LRBA: variants seen among roughly 807,000 people sequenced by gnomAD.
LRBA encodes the protein lipopolysaccharide-responsive and beige-like anchor protein.
LRBA carries 176 observed loss-of-function variants against 330.0 expected under a neutral mutation model. The ratio of observed to expected loss-of-function variants is 0.53; its 90% CI spans 0.47 to 0.60. LRBA has a LOEUF of 0.60. Among genes scored for constraint, LRBA ranks in the 20% least tolerant of loss-of-function variants. The pLI is 0.00. For missense variants in LRBA, 3,259 were observed against 3,444.8 expected (o/e 0.95, Z 1.35); for synonymous variants, 1,230 against 1,193.0 (o/e 1.03, Z -0.64).
intron 37 of LRBA, among the ~76,000 whole-genome samples, chr4:150,677,094 A>G (rs9307879): frequency 0.73 from 110,996 of 151,990 alleles, 43,960 homozygotes; most frequent in Non-Finnish European, 0.91. Context: ...TTCATACAGC[A>G]TAATGAAAAT....
At chr4:150,861,268 A>G (rs953649723) in intron 22 of LRBA, among the ~76,000 whole-genome samples, 5 of 120,216 alleles carry the variant, frequency 4.2e-5, no homozygotes, top group African/African-American at 2.1e-4. Context: ...ATCCCAGCTA[A>G]TGGTGTGTGT....
At chr4:150,837,948 T>C (rs528477125) in intron 28 of LRBA, among the ~76,000 whole-genome samples, 2 of 151,574 alleles carry the variant, frequency 1.3e-5, no homozygotes, top group African/African-American at 2.4e-5. Context: ...CCTTTCCATG[T>C]TTAGTGCTTC....
chr4:150,354,418 C>T lies in LRBA; in HGVS notation c.7195-4259G>A, dbSNP rs765027776. Among the ~76,000 whole-genome samples the T allele has an allele frequency of 3.9e-5, 6 of 152,080 alleles. No homozygotes were observed. In the South Asian group the frequency reaches 1.2e-3, roughly 32 times the overall value. ...GCAGCTAGGGGATAGTAACATTCTT[C>T]CCATGCTGCTCTCAAACCTAACCAA... On this transcript the variant is annotated intron_variant, in intron 47 of 56. Coordinates refer to ENST00000651943, the MANE Select transcript of LRBA (RefSeq NM_001364905.1).
chr4:150,768,161 C>G (rs1161044935), intron 34 of LRBA, among the ~76,000 whole-genome samples: 2 of 147,966 alleles, frequency 1.4e-5, no homozygotes, highest in Non-Finnish European at 3.0e-5. Context: ...GAGGGGGCAA[C>G]AGTACATGAG....
rs533807481 is a variant in LRBA at position 150,812,798 on chromosome 4, G to GTA, written c.5305+4324_5305+4325dup. 4.6e-3 allele frequency among the ~76,000 whole-genome samples: 697 copies of GTA among 152,232 alleles called. 6 individuals carry two copies. The highest frequency in any genetic ancestry group is 0.016 in the African/African-American group (666 of 41,534). The stretch of plus-strand genomic sequence containing the variant: ...CACCAGGCATATAAATTAGTGAACA[G>GTA]TATACTTAGTTCCACTATTGAGCTA... On this transcript the variant is annotated intron_variant, in intron 31 of 56. Transcript: ENST00000651943.
intron 36 of LRBA, among the ~76,000 whole-genome samples, chr4:150,694,535 A>C (rs573189559): frequency 6.6e-6 from 1 of 152,124 alleles, no homozygotes; most frequent in African/African-American, 2.4e-5. Context: ...AAGCTTAGAA[A>C]ATCTCAACAG....
intron 9 of LRBA, among the ~76,000 whole-genome samples, chr4:150,909,216 A>G (rs1450576982): frequency 6.6e-6 from 1 of 152,204 alleles, no homozygotes; most frequent in Non-Finnish European, 1.5e-5. Flanking sequence ...ATTGTTCAAC[A>G]GCAAATCTCT....
intron 40 of LRBA, among the ~76,000 whole-genome samples, chr4:150,537,254 C>T (rs188508565): frequency 2.4e-3 from 361 of 152,184 alleles, no homozygotes; most frequent in Non-Finnish European, 2.7e-3. Flanking sequence ...TAAATAGTGC[C>T]GGTATAACTG....
intron 40 of LRBA, among the ~76,000 whole-genome samples, chr4:150,562,279 G>C (rs959217756): frequency 1.3e-5 from 2 of 152,198 alleles, no homozygotes; most frequent in Admixed American, 6.5e-5. Context: ...TTGCTTTCCA[G>C]GGATATTTCT....
intron 22 of LRBA, among the ~76,000 whole-genome samples, chr4:150,862,182 A>C (rs1432162905): frequency 6.6e-6 from 1 of 152,214 alleles, no homozygotes; most frequent in African/African-American, 2.4e-5. Context: ...ATTACTGGGT[A>C]TATACCCAAA....
intron 36 of LRBA, among the ~76,000 whole-genome samples, chr4:150,709,331 G>C (rs971210549): frequency 1.3e-5 from 2 of 151,934 alleles, no homozygotes; most frequent in Non-Finnish European, 2.9e-5. Flanking sequence ...TTGATGTAAA[G>C]TGTGCTAACT....
At chr4:150,880,408 T>C (rs1302164068) in intron 17 of LRBA, among the ~76,000 whole-genome samples, 2 of 151,834 alleles carry the variant, frequency 1.3e-5, no homozygotes, top group East Asian at 3.9e-4. Flanking sequence ...TAATCCCAGC[T>C]ACCTGGGAGG....
At chr4:150,822,655 G>A (rs746846993) in intron 30 of LRBA, among the ~76,000 whole-genome samples, 4 of 149,474 alleles carry the variant, frequency 2.7e-5, no homozygotes, top group Non-Finnish European at 6.1e-5. Flanking sequence ...TCAGGGGACT[G>A]AGGAAGAACG....
At chr4:150,291,888 CA>C (rs1251176343) in intron 53 of LRBA, among the ~76,000 whole-genome samples, 1 of 152,104 alleles carries the variant, frequency 6.6e-6, no homozygotes, top group Non-Finnish European at 1.5e-5. Flanking sequence ...GAATACTATG[CA>C]GCCATAAAAA....
At chr4:150,371,061 T>TTTAA (rs1327136178) in intron 47 of LRBA, among the ~76,000 whole-genome samples, 1 of 152,030 alleles carries the variant, frequency 6.6e-6, no homozygotes, top group Non-Finnish European at 1.5e-5. Flanking sequence ...AATTAACACA[T>TTTAA]TTAATTAATT....
intron 36 of LRBA, among the ~76,000 whole-genome samples, chr4:150,690,717 C>T (rs1582057602): frequency 6.6e-6 from 1 of 150,594 alleles, no homozygotes; most frequent in South Asian, 2.1e-4. Flanking sequence ...CACCTAATAT[C>T]ATACAAAAAA....
intron 33 of LRBA, among the ~76,000 whole-genome samples, chr4:150,800,722 A>G (rs1741490360): frequency 6.6e-6 from 1 of 152,196 alleles, no homozygotes. Context: ...GCAAGCTTAC[A>G]GATTTGAACC....
rs761555716 is a variant in LRBA at position 150,848,823 on chromosome 4, C to T, written c.4334G>A (p.Arg1445Gln). 5.0e-6 allele frequency: 8 copies of T among 1,600,260 alleles called. No homozygotes were observed. Among genetic ancestry groups the T allele is most frequent in the South Asian group, 2.3e-5 (2 of 88,288 alleles). Residue 1445 changes from arginine to glutamine, a missense_variant, in exon 26 of 57, where the codon CGA (arginine) becomes CAA (glutamine). Coordinates refer to ENST00000651943, the MANE Select transcript of LRBA (RefSeq NM_001364905.1). ...SSGGILRQCL[R>Q]LVCAVAVRNC... ...AACGGTTTTTAGCAGCTCACCTAGT[C>T]GGAGACACTGCCGCAAAATTCCTCC...
intron 37 of LRBA, among the ~76,000 whole-genome samples, chr4:150,677,100 A>G (rs907785069): frequency 6.6e-6 from 1 of 152,152 alleles, no homozygotes; most frequent in East Asian, 1.9e-4. Context: ...CAGCATAATG[A>G]AAATTTTAAG....
Sources: gnomAD v4.1 joint callset for allele counts (sites outside exome capture counted in the v4.1 genomes callset) on GRCh38, gnomAD v4.1.1 for gene constraint, MANE v1.5 for transcripts, NCBI Gene and HGNC (gene_info 2026-07-23, HGNC 2026-07-21) for gene names.